The following ENTREP1 variants were observed in gnomAD, a reference collection of about 807,000 sequenced individuals.
ENTREP1 encodes endosomal transmembrane epsin interactor 1, also known as Friedreich ataxia region gene X123.
At chr9:69,377,061 A>G in the ENTREP1 span, among the ~76,000 whole-genome samples, 22 of 152,212 alleles carry the variant, frequency 1.4e-4, no homozygotes, top group Non-Finnish European at 2.5e-4. Flanking sequence ...CCTGGAAGGA[A>G]TGTTTCTCGA....
the ENTREP1 span, chr9:69,336,141 T>A: frequency 2.6e-6 from 2 of 763,432 alleles, no homozygotes; most frequent in Non-Finnish European, 4.2e-6. Context: ...TAAAAATATG[T>A]ACTTTTGTGA....
chr9:69,376,611 T>TGGGGA, the ENTREP1 span, among the ~76,000 whole-genome samples: 1 of 152,094 alleles, frequency 6.6e-6, no homozygotes, highest in African/African-American at 2.4e-5. Context: ...TTCATTTTGG[T>TGGGGA]GGGGAGGAAG....
At chr9:69,388,245 C>G in the ENTREP1 span, 1 of 1,614,188 alleles carries the variant, frequency 6.2e-7, no homozygotes, top group Non-Finnish European at 8.5e-7. Context: ...GGCTTGAGAT[C>G]TAGAGCTTCG....
At chr9:69,338,030 G>T in the ENTREP1 span, among the ~76,000 whole-genome samples, 1 of 152,078 alleles carries the variant, frequency 6.6e-6, no homozygotes, top group Admixed American at 6.5e-5. Flanking sequence ...TGTATTGATG[G>T]TCTTGAAAAA....
the ENTREP1 span, chr9:69,324,847 C>T: frequency 4.1e-6 from 4 of 985,284 alleles, no homozygotes; most frequent in Non-Finnish European, 4.8e-6. Context: ...CTTCTCTAGC[C>T]CCAGCTCGGC....
At chr9:69,366,868 G>C in the ENTREP1 span, among the ~76,000 whole-genome samples, 1 of 151,692 alleles carries the variant, frequency 6.6e-6, no homozygotes, top group Non-Finnish European at 1.5e-5. Context: ...ATTTATTTCT[G>C]GGTTCTCTAT....
the ENTREP1 span, chr9:69,377,573 A>G: frequency 3.1e-6 from 5 of 1,613,034 alleles, no homozygotes; most frequent in Non-Finnish European, 4.2e-6. Flanking sequence ...TGCCTTTGTA[A>G]TGAAGGCTGT....
At chr9:69,374,742 G>T in the ENTREP1 span, among the ~76,000 whole-genome samples, 1 of 152,168 alleles carries the variant, frequency 6.6e-6, no homozygotes, top group Non-Finnish European at 1.5e-5. Flanking sequence ...ACCTCTTCAG[G>T]CAGTAGCACC....
chr9:69,334,758 CCCTTT>C, the ENTREP1 span, among the ~76,000 whole-genome samples: 1 of 151,174 alleles, frequency 6.6e-6, no homozygotes, highest in Non-Finnish European at 1.5e-5. Context: ...AAAATAGTGG[CCCTTT>C]CCTTTCCTTT....
the ENTREP1 span, chr9:69,387,545 G>T: frequency 5.2e-6 from 1 of 192,570 alleles, no homozygotes; most frequent in African/African-American, 2.4e-5. Context: ...CAGGCTCTCT[G>T]TTGACTTCCA....
At chr9:69,333,495 G>C in the ENTREP1 span, among the ~76,000 whole-genome samples, 2 of 151,990 alleles carry the variant, frequency 1.3e-5, no homozygotes, top group South Asian at 2.1e-4. Context: ...AGTAGAGACA[G>C]GGTCTCACCG....
the ENTREP1 span, among the ~76,000 whole-genome samples, chr9:69,354,882 A>C: frequency 6.6e-6 from 1 of 152,212 alleles, no homozygotes; most frequent in Non-Finnish European, 1.5e-5. Flanking sequence ...TACAATCAGG[A>C]GTCTTTAAAC....
At chr9:69,384,668 T>C in the ENTREP1 span, among the ~76,000 whole-genome samples, 1 of 152,190 alleles carries the variant, frequency 6.6e-6, no homozygotes, top group African/African-American at 2.4e-5. Context: ...TAAGGGAACA[T>C]TGTTATGGCC....
At chr9:69,340,613 A>ATG in the ENTREP1 span, among the ~76,000 whole-genome samples, 8,952 of 114,780 alleles carry the variant, frequency 0.078, 387 homozygotes, top group Middle Eastern at 0.14. Context: ...GTGTGTGTGC[A>ATG]TGTGTGTGTG....
chr9:69,377,526 A>C, the ENTREP1 span: 2 of 1,608,550 alleles, frequency 1.2e-6, no homozygotes, highest in Non-Finnish European at 1.7e-6. Flanking sequence ...GAGCCAGCCC[A>C]TGGACCCCTT....
chr9:69,350,949 T>G, the ENTREP1 span, among the ~76,000 whole-genome samples: 18 of 152,170 alleles, frequency 1.2e-4, no homozygotes, highest in Non-Finnish European at 2.1e-4. Flanking sequence ...ATAATGAGTC[T>G]CAGGCAAATA....
At chr9:69,374,733 C>T in the ENTREP1 span, among the ~76,000 whole-genome samples, 1 of 152,078 alleles carries the variant, frequency 6.6e-6, no homozygotes, top group Admixed American at 6.5e-5. Context: ...AAAGATCTGA[C>T]CTCTTCAGGC....
At chr9:69,336,377 A>C in the ENTREP1 span, 3 of 669,590 alleles carry the variant, frequency 4.5e-6, no homozygotes, top group Non-Finnish European at 7.8e-6. Flanking sequence ...TCATTAAAAA[A>C]ATAAGTTAAC....
the ENTREP1 span, among the ~76,000 whole-genome samples, chr9:69,367,873 A>C: frequency 2.3e-5 from 3 of 129,456 alleles, no homozygotes; most frequent in Admixed American, 2.6e-4. Context: ...ATATATATAA[A>C]TATATATATA....
Sources: gnomAD v4.1 joint callset for allele counts (sites outside exome capture counted in the v4.1 genomes callset) on GRCh38, gnomAD v4.1.1 for gene constraint, MANE v1.5 for transcripts, NCBI Gene and HGNC (gene_info 2026-07-23, HGNC 2026-07-21) for gene names.